The following CDH12 variants were observed in gnomAD, a reference collection of about 807,000 sequenced individuals.
The protein encoded by CDH12 is cadherin-12.
Under a neutral mutation model 74.1 loss-of-function variants are expected in CDH12, and 41 were observed. That is an observed-to-expected ratio of 0.55 (90% CI 0.43 to 0.72). CDH12 has a LOEUF of 0.72. Among genes scored for constraint, CDH12 ranks in the 30% least tolerant of loss-of-function variants. The pLI is 0.00. For synonymous variants in CDH12, 399 were observed against 355.0 expected (o/e 1.12, Z -1.39); for missense variants, 945 against 977.2 (o/e 0.97, Z 0.44).
chr5:21,880,245 A>G (rs1184268771), intron 6 of CDH12, among the ~76,000 whole-genome samples: 1 of 152,166 alleles, frequency 6.6e-6, no homozygotes. Context: ...ACAAAGTTAT[A>G]TTTCCTTCCA....
intron 10 of CDH12, among the ~76,000 whole-genome samples, chr5:21,786,373 C>T (rs1746199847): frequency 6.6e-6 from 1 of 152,094 alleles, no homozygotes. Flanking sequence ...AGGCTAGTCT[C>T]AAACTCAAGA....
At chr5:21,966,914 A>G (rs1422812038) in intron 6 of CDH12, among the ~76,000 whole-genome samples, 1 of 152,168 alleles carries the variant, frequency 6.6e-6, no homozygotes, top group Non-Finnish European at 1.5e-5. Context: ...ATTTCCAGAC[A>G]GAGGTTCCAA....
chr5:22,674,585 A>C (rs1436263809), intron 1 of CDH12, among the ~76,000 whole-genome samples: 1 of 152,192 alleles, frequency 6.6e-6, no homozygotes, highest in Admixed American at 6.5e-5. Flanking sequence ...ACTGGGTAAC[A>C]GGCAGAAGTT....
In CDH12 at chr5:21,990,382, C is replaced by T. The variant is rs193214573; in HGVS notation, c.232-14997G>A. The stretch of plus-strand genomic sequence containing the variant: ...TATCAGATATTTGTGGGTTAGAATC[C>T]GAAACCCATCACTTATTACATTTGC... On this transcript the variant is annotated intron_variant, in intron 5 of 14. Coordinates refer to ENST00000382254, the MANE Select transcript of CDH12 (RefSeq NM_004061.5). Among the ~76,000 whole-genome samples, 3 of 152,066 alleles carry T rather than the reference C, an allele frequency of 2.0e-5. No individual in the cohort carries two copies. In the East Asian group the frequency reaches 5.8e-4, roughly 29 times the overall value.
chr5:22,554,982 A>C (rs1487289314), intron 1 of CDH12, among the ~76,000 whole-genome samples: 1 of 152,134 alleles, frequency 6.6e-6, no homozygotes, highest in Non-Finnish European at 1.5e-5. Flanking sequence ...GAGCATGAAG[A>C]AAATAAAAAC....
intron 1 of CDH12, among the ~76,000 whole-genome samples, chr5:22,600,300 T>C (rs16897184): frequency 0.066 from 9,980 of 152,218 alleles, 434 homozygotes; most frequent in East Asian, 0.24. Context: ...CCCTGAATAC[T>C]ATTGTCCAGT....
intron 1 of CDH12, among the ~76,000 whole-genome samples, chr5:22,797,592 A>G (rs1436145993): frequency 6.6e-6 from 1 of 152,240 alleles, no homozygotes; most frequent in Admixed American, 6.5e-5. Flanking sequence ...AGAGTAAAAA[A>G]CAATAGATAT....
Position 22,118,866 on chromosome 5 carries a change from A to G in CDH12, c.-186-40004T>C, listed in dbSNP as rs186613506. On this transcript the variant is annotated intron_variant, in intron 4 of 14. Coordinates refer to ENST00000382254, the MANE Select transcript of CDH12 (RefSeq NM_004061.5). ...CCCTAATTGCTTTTCTGACTAGAAT[A>G]AAAACAAGGAGTATAGTTGGGGTGG... 9.9e-5 allele frequency among the ~76,000 whole-genome samples: 15 copies of G among 152,242 alleles called. No individual in the cohort carries two copies. The East Asian group carries it at 2.7e-3, about 28-fold the overall frequency.
chr5:21,998,945 T>C (rs1252338864), intron 5 of CDH12, among the ~76,000 whole-genome samples: 1 of 152,148 alleles, frequency 6.6e-6, no homozygotes, highest in Non-Finnish European at 1.5e-5. Flanking sequence ...TAAAACACAA[T>C]ACAGAGAAAA....
intron 1 of CDH12, among the ~76,000 whole-genome samples, chr5:22,563,195 GC>G: frequency 6.6e-6 from 1 of 151,498 alleles, no homozygotes; most frequent in East Asian, 1.9e-4. Context: ...ATAAAATTGG[GC>G]TACTACAAAA....
intron 3 of CDH12, among the ~76,000 whole-genome samples, chr5:22,239,161 C>G (rs1048047958): frequency 6.6e-6 from 1 of 152,184 alleles, no homozygotes; most frequent in African/African-American, 2.4e-5. Flanking sequence ...AAATGCATCT[C>G]TATCCCTAGA....
intron 3 of CDH12, among the ~76,000 whole-genome samples, chr5:22,318,018 C>A (rs538800768): frequency 6.6e-6 from 1 of 152,194 alleles, no homozygotes; most frequent in Non-Finnish European, 1.5e-5. Flanking sequence ...TTTCTTCCAT[C>A]TTAATTTACA....
chr5:21,944,271 TAGAA>T (rs898260039), intron 6 of CDH12, among the ~76,000 whole-genome samples: 7 of 152,268 alleles, frequency 4.6e-5, no homozygotes, highest in Non-Finnish European at 8.8e-5. Context: ...TATTGGTGTG[TAGAA>T]AGAAAATGTG....
At chr5:22,060,008 C>T (rs13184144) in intron 5 of CDH12, among the ~76,000 whole-genome samples, 51,263 of 151,912 alleles carry the variant, frequency 0.34, 10,700 homozygotes, top group Non-Finnish European at 0.45. Flanking sequence ...TTTGTAGAAA[C>T]CAACATCACT....
In CDH12 at chr5:21,802,715, C is replaced by A. The variant is rs187626293; in HGVS notation, c.1003-295G>T. Reference sequence around the variant, plus strand: ...CAAGCGGTTCTCCTGCCTCAGCTTCCGGAGGATCTGGGACTACAGGCGCCC... The same window carrying A: ...CAAGCGGTTCTCCTGCCTCAGCTTCAGGAGGATCTGGGACTACAGGCGCCC... On this transcript the variant is annotated intron_variant, in intron 9 of 14. Transcript: ENST00000382254. Among the ~76,000 whole-genome samples the A allele has an allele frequency of 2.4e-3, 356 of 151,092 alleles. 2 individuals carry two copies. The highest frequency in any genetic ancestry group is 8.1e-3 in the African/African-American group (335 of 41,116).
intron 1 of CDH12, among the ~76,000 whole-genome samples, chr5:22,702,054 G>A (rs1742740052): frequency 6.6e-6 from 1 of 152,116 alleles, no homozygotes; most frequent in African/African-American, 2.4e-5. Context: ...AATTGTTGTT[G>A]TTTTATTCAG....
chr5:22,426,014 C>T (rs1743919127), intron 2 of CDH12, among the ~76,000 whole-genome samples: 1 of 151,846 alleles, frequency 6.6e-6, no homozygotes, highest in Admixed American at 6.6e-5. Flanking sequence ...TGATGAAACC[C>T]CGTATCTACT....
chr5:22,246,098 C>T (rs1166933458), intron 3 of CDH12, among the ~76,000 whole-genome samples: 1 of 152,126 alleles, frequency 6.6e-6, no homozygotes, highest in Admixed American at 6.5e-5. Context: ...AGATTACTAA[C>T]TAACTTACAA....
chr5:21,937,858 T>C (rs1176761605), intron 6 of CDH12, among the ~76,000 whole-genome samples: 1 of 152,164 alleles, frequency 6.6e-6, no homozygotes, highest in Non-Finnish European at 1.5e-5. Flanking sequence ...TTGGCAGACC[T>C]TCCCCAAGCA....
Sources: allele counts gnomAD v4.1 joint callset (sites outside exome capture counted in the v4.1 genomes callset), GRCh38; gene constraint gnomAD v4.1.1; transcripts MANE v1.5; gene names NCBI Gene and HGNC (gene_info 2026-07-23, HGNC 2026-07-21).